Variants in THAP8 observed in about 807,000 individuals in gnomAD.
THAP8 encodes THAP domain-containing protein 8.
A neutral mutation model predicts 25.0 loss-of-function variants in THAP8; 24 were observed. The ratio of observed to expected loss-of-function variants is 0.96; its 90% CI spans 0.69 to 1.35. THAP8 has a LOEUF of 1.35. Among genes scored for constraint, THAP8 ranks in the 40% most tolerant of loss-of-function variants. The pLI, the probability that THAP8 is intolerant of heterozygous loss-of-function variation, is 0.00. For missense variants in THAP8, 399 were observed against 368.8 expected, an observed-to-expected ratio of 1.08 and a Z score of -0.67; for synonymous variants, 169 against 157.6, an observed-to-expected ratio of 1.07 and a Z score of -0.54.
rs1389060018 is a variant in THAP8, at chr19:36,045,892, T to A, written c.84-5756A>T. The A allele has an allele frequency of 1.3e-5, 6 of 456,618 alleles. No homozygotes were observed. In the East Asian group the frequency reaches 4.2e-4, roughly 32 times the overall value. The allele number at this position is 456,618 out of a possible 1,614,324, so 28.3% of individuals were successfully genotyped here. On this transcript the variant is annotated intron_variant, in intron 1 of 3. Transcript: ENST00000292894. ...GCCCAGGAAAGCCGATTTGGACTCC[T>A]GGCCTCTAGAACTGTTAGAAAATAA...
chr19:36,047,677 C>G (rs1215706237), intron 1 of THAP8, among the ~76,000 whole-genome samples: 1 of 152,078 alleles, frequency 6.6e-6, no homozygotes, highest in African/African-American at 2.4e-5. Context: ...CAAAAATTAG[C>G]TGGGTATGGT....
upstream of THAP8, chr19:36,054,512 C>A: frequency 1.8e-6 from 1 of 569,314 alleles, no homozygotes; most frequent in Non-Finnish European, 3.2e-6. Context: ...AGGGCGGCGT[C>A]ACGGCGTTTC....
In THAP8 at chr19:36,039,388, G is replaced by A. The variant is rs761966430; in HGVS notation, c.607C>T (p.Arg203Trp). Reference protein sequence around the residue: ...RHQAQLQALERLAQQLHGESL... With the variant: ...RHQAQLQALEWLAQQLHGESL... ...TCCCCGTGTAGCTGCTGTGCCAGCC[G>A]TTCCAGGGCCTGCAGCTGCGCCTGG... Residue 203 changes from arginine to tryptophan, a missense_variant, in exon 3 of 4, where the codon CGG (arginine) becomes TGG (tryptophan). Physicochemically the swap from Arg to Trp is moderately radical, Grantham distance 101 (BLOSUM62 -3). Transcript: ENST00000292894. 103 of 1,543,040 alleles carry A rather than the reference G, an allele frequency of 6.7e-5. No individual in the cohort carries two copies. Among genetic ancestry groups the A allele is most frequent in the African/African-American group, 3.6e-4 (26 of 73,140 alleles).
intron 1 of THAP8, among the ~76,000 whole-genome samples, chr19:36,048,899 T>G (rs1262003941): frequency 6.8e-6 from 1 of 147,644 alleles, no homozygotes; most frequent in Admixed American, 6.8e-5. Context: ...GCCACTGAGA[T>G]TTGAGAAGTT....
chr19:36,052,624 C>T (rs531155721), intron 1 of THAP8, among the ~76,000 whole-genome samples: 3 of 152,124 alleles, frequency 2.0e-5, no homozygotes, highest in East Asian at 3.8e-4. Flanking sequence ...ATATCAGGTC[C>T]GGATGGTGAA....
intron 1 of THAP8, among the ~76,000 whole-genome samples, chr19:36,050,876 C>T (rs556220412): frequency 1.3e-5 from 2 of 152,254 alleles, no homozygotes; most frequent in Non-Finnish European, 2.9e-5. Context: ...CTGGAGAGCC[C>T]ATCTGAAAGG....
chr19:36,040,818 T>G (rs540339701), intron 1 of THAP8, among the ~76,000 whole-genome samples: 1 of 152,020 alleles, frequency 6.6e-6, no homozygotes, highest in South Asian at 2.1e-4. Context: ...ACAGTTACGA[T>G]GTGGGAGATC....
At chr19:36,041,148 A>C (rs573108220) in intron 1 of THAP8, among the ~76,000 whole-genome samples, 1 of 138,176 alleles carries the variant, frequency 7.2e-6, no homozygotes, top group South Asian at 2.2e-4. Context: ...TCGACTCTAC[A>C]AAAAAAAAAA....
chr19:36,043,171 A>AGC (rs1969757945), intron 1 of THAP8, among the ~76,000 whole-genome samples: 1 of 151,924 alleles, frequency 6.6e-6, no homozygotes, highest in African/African-American at 2.4e-5. Context: ...CAGGTGATCC[A>AGC]CCCACCTCGG....
chr19:36,048,841 T>TAA (rs1204599378), intron 1 of THAP8, among the ~76,000 whole-genome samples: 1,634 of 83,342 alleles, frequency 0.02, 57 homozygotes, highest in African/African-American at 0.024. Flanking sequence ...ACCCCTTCTT[T>TAA]AAAAAAAAAA....
chr19:36,054,309 C>T (rs930594390), upstream of THAP8: 4 of 1,450,936 alleles, frequency 2.8e-6, no homozygotes, highest in African/African-American at 5.6e-5. Context: ...CCGCGCTCGC[C>T]GCCTGCCTCA....
chr19:36,048,612 G>T (rs1045666066), intron 1 of THAP8, among the ~76,000 whole-genome samples: 12 of 151,854 alleles, frequency 7.9e-5, no homozygotes, highest in African/African-American at 2.9e-4. Context: ...TGATCCACTT[G>T]CCTCAACCTT....
upstream of THAP8, chr19:36,054,331 T>C (rs777125543): frequency 3.9e-6 from 5 of 1,276,088 alleles, no homozygotes; most frequent in Non-Finnish European, 5.5e-6. Flanking sequence ...GTGACGTCCG[T>C]GGAGTCTCGT....
chr19:36,049,574 T>C (rs1423079131), intron 1 of THAP8, among the ~76,000 whole-genome samples: 5 of 152,214 alleles, frequency 3.3e-5, no homozygotes, highest in Non-Finnish European at 7.3e-5. Context: ...GGGTAGGCCC[T>C]GAGGTGGAAA....
upstream of THAP8, chr19:36,054,469 C>G: frequency 3.4e-6 from 2 of 588,442 alleles, no homozygotes; most frequent in Admixed American, 6.0e-5. Context: ...GCCGGCCCTT[C>G]GTCACCCCGA....
intron 1 of THAP8, among the ~76,000 whole-genome samples, chr19:36,049,718 G>A (rs1391857534): frequency 1.3e-5 from 2 of 152,178 alleles, no homozygotes; most frequent in East Asian, 1.9e-4. Context: ...CTGGCATAAG[G>A]TAAATACTAA....
At chr19:36,046,846 G>A (rs757525419) in intron 1 of THAP8, among the ~76,000 whole-genome samples, 28 of 152,322 alleles carry the variant, frequency 1.8e-4, no homozygotes, top group Non-Finnish European at 3.1e-4. Flanking sequence ...AGGATCCTTT[G>A]CAGCTGGCTG....
rs757186258 is a variant in THAP8, at chr19:36,054,149, A to T, written c.69T>A (p.Pro23=). The T allele has an allele frequency of 6.2e-7, 1 of 1,613,646 alleles. No homozygotes were observed. The highest frequency in any genetic ancestry group is 1.3e-5 in the African/African-American group (1 of 74,874). Residue 23 remains proline, a synonymous_variant, in exon 1 of 4, where the codon CCT becomes CCA. Coordinates refer to ENST00000292894, the MANE Select transcript of THAP8 (RefSeq NM_152658.3). ...GCTGCGCTCACTTGTAGAAGCTCAC[A>T]GGGCGGTTGTCTGCACCCAGGCGGC... ...TAGRLGADNR[P]VSFYKFPLKD...
intron 1 of THAP8, among the ~76,000 whole-genome samples, chr19:36,042,104 G>C (rs1297217628): frequency 6.6e-6 from 1 of 151,810 alleles, no homozygotes; most frequent in Non-Finnish European, 1.5e-5. Flanking sequence ...GGGAGTAAGA[G>C]GGGGAGGAAG....
Sources: allele counts gnomAD v4.1 joint callset (sites outside exome capture counted in the v4.1 genomes callset), GRCh38; gene constraint gnomAD v4.1.1; transcripts MANE v1.5; gene names NCBI Gene and HGNC (gene_info 2026-07-23, HGNC 2026-07-21).